CCNB3: variants seen among roughly 807,000 people sequenced by gnomAD.
The protein encoded by CCNB3 is cyclin B3, also known as G2/mitotic-specific cyclin-B3.
A neutral mutation model predicts 68.0 loss-of-function variants in CCNB3; 12 were observed. That is an observed-to-expected ratio of 0.18 (90% CI 0.11 to 0.29). The LOEUF is 0.29. Among genes scored for constraint, CCNB3 ranks in the 10% least tolerant of loss-of-function variants. The probability of loss-of-function intolerance (pLI) is 1.00; values close to 1 mark genes in which losing one functional copy is unlikely to be tolerated. For synonymous variants in CCNB3, 354 were observed against 388.9 expected, an observed-to-expected ratio of 0.91 and a Z score of 1.06; for missense variants, 904 against 993.1, an observed-to-expected ratio of 0.91 and a Z score of 1.21.
At chrX:50,279,086 A>G (rs1422815361) in intron 1 of CCNB3, among the ~76,000 whole-genome samples, 1 of 59,598 alleles carries the variant, frequency 1.7e-5, no homozygotes, top group East Asian at 5.0e-4. Flanking sequence ...ATATATAAAT[A>G]TATATTAATA....
rs782626131 is a variant in CCNB3, at chrX:50,310,667, T to C, written c.2498T>C (p.Leu833Ser). Residue 833 changes from leucine (L) to serine (S), a missense_variant, in exon 6 of 13, where the codon TTG becomes TCG. Physicochemically the swap from Leu to Ser is moderately radical, Grantham distance 145. This residue lies in a region of CCNB3 where 619 missense variants were observed against 609.8 expected (regional missense o/e 1.02). Transcript: ENST00000376042. ...GCTCACTTTAAGGAACCTTTGGCCT[T>C]GCAGGAGGAGCCCAGCACTGAGAAG... ...TEAHFKEPLA[L>S]QEEPSTEKEA... is the part of the protein sequence containing the mutation. 1.3e-5 allele frequency: 16 copies of C among 1,209,289 alleles called. No homozygotes were observed. Among genetic ancestry groups the C allele is most frequent in the Non-Finnish European group, 1.8e-5 (16 of 895,020 alleles).
intron 1 of CCNB3, among the ~76,000 whole-genome samples, chrX:50,226,125 C>G (rs1463677188): frequency 1.6e-5 from 1 of 63,931 alleles, no homozygotes; most frequent in East Asian, 4.5e-4. Flanking sequence ...TATATATATT[C>G]GATATATATA....
chrX:50,345,929 G>A (rs1271843440), intron 9 of CCNB3, among the ~76,000 whole-genome samples: 3 of 112,304 alleles, frequency 2.7e-5, no homozygotes, highest in African/African-American at 9.7e-5. Context: ...AAGCTGTTGC[G>A]GGCAGTAAGC....
At chrX:50,322,751 G>A (rs1235759295) in intron 8 of CCNB3, among the ~76,000 whole-genome samples, 3 of 111,453 alleles carry the variant, frequency 2.7e-5, no homozygotes, top group Admixed American at 9.5e-5. Context: ...ATCAAAAAGC[G>A]GGCAAAGGAT....
At chrX:50,326,746 T>C (rs1922314062) in intron 8 of CCNB3, among the ~76,000 whole-genome samples, 1 of 111,850 alleles carries the variant, frequency 8.9e-6, no homozygotes, top group African/African-American at 3.2e-5. Context: ...TTTAAAAGTA[T>C]ATTTCAGTTC....
chrX:50,294,103 T>A (rs1365435591), intron 4 of CCNB3, among the ~76,000 whole-genome samples: 1 of 109,280 alleles, frequency 9.2e-6, no homozygotes, highest in Non-Finnish European at 1.9e-5. Context: ...CACCGAGCTA[T>A]TTTTTTTATT....
chrX:50,220,253 C>T (rs1361572500), intron 1 of CCNB3, among the ~76,000 whole-genome samples: 4 of 111,486 alleles, frequency 3.6e-5, no homozygotes, highest in African/African-American at 1.3e-4. Flanking sequence ...TTTGAATACA[C>T]TTTATTTCTT....
chrX:50,283,608 C>T (rs750744236), intron 1 of CCNB3, among the ~76,000 whole-genome samples: 9 of 111,494 alleles, frequency 8.1e-5, no homozygotes, highest in African/African-American at 2.0e-4. Context: ...CCTTTTCTTA[C>T]CAGCCTGGCC....
chrX:50,214,475 CAT>C (rs1184201216), intron 1 of CCNB3, among the ~76,000 whole-genome samples: 182 of 9,483 alleles, frequency 0.019, 9 homozygotes, highest in South Asian at 0.068. Flanking sequence ...AGCTGTGGCC[CAT>C]ATATATATAT....
chrX:50,350,248 TACACACACACACACACACACAC>T (rs35500925), intron 11 of CCNB3, among the ~76,000 whole-genome samples: 2 of 95,225 alleles, frequency 2.1e-5, no homozygotes, highest in Middle Eastern at 4.7e-3. Flanking sequence ...CATACACAAA[TACACACACACACACACACACAC>T]ACACACACAC....
At chrX:50,203,198 C>A (rs1557205039), upstream of CCNB3, among the ~76,000 whole-genome samples, 2 of 111,457 alleles carry the variant, frequency 1.8e-5, no homozygotes, top group African/African-American at 6.5e-5. Flanking sequence ...AATAAGAGTG[C>A]AAATCAATAC....
rs1184201216 is a variant in CCNB3 at position 50,214,475 on chromosome X, CATATATATATATATATATAT to C, written c.-113+9540_-113+9559del. Among the ~76,000 whole-genome samples, 32 of 9,490 alleles carry C rather than the reference CATATATATATATATATATAT, an allele frequency of 3.4e-3. 1 individual carries two copies. Among genetic ancestry groups the C allele is most frequent in the South Asian group, 0.023 (1 of 44 alleles). 8.2% of individuals were successfully genotyped at this position (9,490 alleles called of 115,157 possible). A position where few individuals can be genotyped will look rare whatever the true frequency, so the allele number is the denominator to read the frequency against. ...TTACCTTTCAGTTTTAGCTGTGGCCCATATATATATATATATATATATATATATATATATTTTAGCTGTGA... is the reference window on the plus strand; with the variant it reads ...TTACCTTTCAGTTTTAGCTGTGGCCCATATATATATATATTTTAGCTGTGA... On this transcript the variant is annotated intron_variant, in intron 1 of 12. Coordinates refer to ENST00000376042, the MANE Select transcript of CCNB3 (RefSeq NM_033031.3).
chrX:50,342,053 T>A, intron 8 of CCNB3, 149 bp from the exon 9 acceptor site: 1 of 598,625 alleles, frequency 1.7e-6, no homozygotes, highest in East Asian at 3.4e-5. Context: ...CACAGGAACC[T>A]AGCTGAAGCA....
At chrX:50,324,365 T>C (rs1489848304) in intron 8 of CCNB3, among the ~76,000 whole-genome samples, 2 of 112,354 alleles carry the variant, frequency 1.8e-5, no homozygotes, top group Admixed American at 1.9e-4. Context: ...TATATTTTCC[T>C]AAAAATGTAT....
intron 4 of CCNB3, among the ~76,000 whole-genome samples, chrX:50,290,781 T>C (rs1366699685): frequency 1.8e-5 from 2 of 111,684 alleles, no homozygotes; most frequent in Non-Finnish European, 3.8e-5. Flanking sequence ...GAGCAGAGTC[T>C]CTGCTTCTAG....
intron 1 of CCNB3, among the ~76,000 whole-genome samples, chrX:50,212,749 G>A (rs1177001506): frequency 9.0e-6 from 1 of 110,914 alleles, no homozygotes; most frequent in Non-Finnish European, 1.9e-5. Flanking sequence ...GCCTATTCTG[G>A]ATATTCAATA....
chrX:50,226,175 A>G (rs1935767080), intron 1 of CCNB3, among the ~76,000 whole-genome samples: 1 of 55,299 alleles, frequency 1.8e-5, no homozygotes, highest in Admixed American at 3.0e-4. Context: ...TCGAATATAC[A>G]TATATAGATA....
rs374728939 is a variant in CCNB3, at chrX:50,304,331, A to G, written c.336-4174A>G. Among the ~76,000 whole-genome samples the G allele has an allele frequency of 3.6e-5, 4 of 111,554 alleles. No individual in the cohort carries two copies. The East Asian group carries it at 1.1e-3, about 31-fold the overall frequency. ...ACTATTTTGGGTTCCTTGCAATTCT[A>G]TATAAATTTTAGAATCAGCTTGTCA... On this transcript the variant is annotated intron_variant, in intron 5 of 12. Coordinates refer to ENST00000376042, the MANE Select transcript of CCNB3 (RefSeq NM_033031.3).
chrX:50,307,534 C>CT (rs1365736780), intron 5 of CCNB3, among the ~76,000 whole-genome samples: 12 of 110,047 alleles, frequency 1.1e-4, no homozygotes, highest in South Asian at 3.9e-4. Flanking sequence ...TTTTGAAGCA[C>CT]TTTTTTTTTC....
Sources: allele counts gnomAD v4.1 joint callset (sites outside exome capture counted in the v4.1 genomes callset), GRCh38; gene constraint gnomAD v4.1.1; regional missense constraint gnomAD v4.1.1; transcripts MANE v1.5; gene names NCBI Gene and HGNC (gene_info 2026-07-23, HGNC 2026-07-21).